Variants in FBXL17 observed in about 807,000 individuals in gnomAD.
The protein encoded by FBXL17 is F-box/LRR-repeat protein 17.
FBXL17 carries 22 observed loss-of-function variants against 66.2 expected under a neutral mutation model. The ratio of observed to expected loss-of-function variants is 0.33; its 90% CI spans 0.24 to 0.47. The LOEUF is 0.47. FBXL17 is among the 20% of genes least tolerant of loss of function. The pLI, the probability that FBXL17 is intolerant of heterozygous loss-of-function variation, is 1.00. For missense variants in FBXL17, 878 were observed against 948.2 expected (o/e 0.93, Z 0.97); for synonymous variants, 474 against 400.5 (o/e 1.18, Z -2.19).
chr5:108,181,810 T>C (rs564774028), intron 6 of FBXL17, among the ~76,000 whole-genome samples: 4 of 152,160 alleles, frequency 2.6e-5, no homozygotes, highest in Non-Finnish European at 4.4e-5. Context: ...ATTTTATATA[T>C]AAATGTCAAT....
chr5:108,381,551 C>T lies in FBXL17; in HGVS notation c.141G>A (p.Ala47=), dbSNP rs963953414. The T allele has an allele frequency of 1.7e-4, 247 of 1,428,310 alleles. No homozygotes were observed. In the African/African-American group the frequency reaches 3.3e-3, roughly 19 times the overall value. The allele number at this position is 1,428,310 out of a possible 1,614,324, so 88.5% of individuals were successfully genotyped here. A position where few individuals can be genotyped will look rare whatever the true frequency, so the allele number is the denominator to read the frequency against. The part of the protein sequence containing the change: ...TPAKVPPQPA[A]PRSRDCFFRG... The stretch of plus-strand genomic sequence containing the variant: ...GGAAGAAGCAGTCCCGGCTCCGGGG[C>T]GCCGCCGGCTGAGGGGGCACCTTGG... The change falls in exon 1 of 9, where the codon GCG becomes GCA. Residue 47 remains alanine (A), a synonymous_variant. Transcript: ENST00000542267.
Position 108,198,126 on chromosome 5 carries a change from G to A in FBXL17, c.1615-11879C>T, listed in dbSNP as rs1041551678. ...TGTGGAGAAACACCATGAGGCCCCC[G>A]TCAACAGGTCCCTATGGCTTCTCTC... On this transcript the variant is annotated intron_variant, in intron 5 of 8. Transcript: ENST00000542267. Among the ~76,000 whole-genome samples, 25 of 152,204 alleles carry A rather than the reference G, an allele frequency of 1.6e-4. No homozygotes were observed. The South Asian group carries it at 2.9e-3, about 18-fold the overall frequency.
At chr5:108,276,111 G>A (rs952413946) in intron 4 of FBXL17, among the ~76,000 whole-genome samples, 13 of 152,128 alleles carry the variant, frequency 8.5e-5, no homozygotes, top group South Asian at 2.1e-4. Flanking sequence ...CTCCAAGTAC[G>A]AAACAAAATG....
intron 1 of FBXL17, among the ~76,000 whole-genome samples, chr5:108,376,484 T>C (rs186095369): frequency 4.2e-4 from 64 of 152,330 alleles, no homozygotes; most frequent in Non-Finnish European, 7.9e-4. Flanking sequence ...CCATTTATAA[T>C]AGCATCAAAA....
At chr5:107,940,011 T>G (rs978011219) in intron 7 of FBXL17, among the ~76,000 whole-genome samples, 1 of 152,136 alleles carries the variant, frequency 6.6e-6, no homozygotes. Context: ...CTTAATGTGT[T>G]AAACAGTATA....
At chr5:108,207,188 A>ATACC (rs1321584090) in intron 5 of FBXL17, among the ~76,000 whole-genome samples, 1 of 152,176 alleles carries the variant, frequency 6.6e-6, no homozygotes, top group Non-Finnish European at 1.5e-5. Flanking sequence ...TGGGTAACTG[A>ATACC]TACCACCCAT....
chr5:108,112,861 C>T (rs1024775497), intron 6 of FBXL17, among the ~76,000 whole-genome samples: 2 of 117,672 alleles, frequency 1.7e-5, no homozygotes, highest in African/African-American at 2.6e-5. Context: ...ACTTTACTTC[C>T]TCTGGTATCT....
At chr5:108,125,631 T>C (rs953093968) in intron 6 of FBXL17, among the ~76,000 whole-genome samples, 3 of 151,988 alleles carry the variant, frequency 2.0e-5, no homozygotes, top group African/African-American at 7.2e-5. Flanking sequence ...CTTTGAAAAA[T>C]GGCAGATAGT....
intron 6 of FBXL17, among the ~76,000 whole-genome samples, chr5:108,154,644 C>G (rs868176839): frequency 7.4e-6 from 1 of 134,958 alleles, no homozygotes; most frequent in African/African-American, 2.9e-5. Context: ...CACACACACA[C>G]ACACATATAT....
intron 6 of FBXL17, among the ~76,000 whole-genome samples, chr5:108,090,083 C>T (rs1749132508): frequency 1.3e-5 from 2 of 152,116 alleles, no homozygotes; most frequent in South Asian, 4.1e-4. Context: ...CCCGCCTTGG[C>T]CTCCCAAAGT....
chr5:108,250,019 C>A (rs1756274452), intron 4 of FBXL17, among the ~76,000 whole-genome samples: 1 of 152,056 alleles, frequency 6.6e-6, no homozygotes, highest in East Asian at 1.9e-4. Context: ...TTTTTAAGAA[C>A]TGTTTCATAT....
chr5:107,861,895 GACC>G (rs1748133916), intron 8 of FBXL17, 35 bp from the exon 9 acceptor site: 1 of 1,459,830 alleles, frequency 6.9e-7, no homozygotes, highest in Non-Finnish European at 9.1e-7. Flanking sequence ...CACGCACAGA[GACC>G]ACCAACACCA....
intron 4 of FBXL17, among the ~76,000 whole-genome samples, chr5:108,307,353 G>A (rs537690733): frequency 6.6e-6 from 1 of 152,096 alleles, no homozygotes; most frequent in East Asian, 1.9e-4. Context: ...CACCCAGGCT[G>A]GAGTGCAGTG....
At chr5:108,330,878 C>T (rs1325767169) in intron 4 of FBXL17, among the ~76,000 whole-genome samples, 1 of 151,914 alleles carries the variant, frequency 6.6e-6, no homozygotes, top group African/African-American at 2.4e-5. Context: ...GATGAAACCT[C>T]GTCTCTACTA....
At chr5:108,171,338 T>C (rs1752598229) in intron 6 of FBXL17, among the ~76,000 whole-genome samples, 3 of 152,184 alleles carry the variant, frequency 2.0e-5, no homozygotes, top group South Asian at 4.1e-4. Context: ...GTTTAACAGC[T>C]AGGATATTGT....
intron 6 of FBXL17, among the ~76,000 whole-genome samples, chr5:108,051,813 A>G (rs1471429639): frequency 6.6e-6 from 1 of 152,040 alleles, no homozygotes; most frequent in Non-Finnish European, 1.5e-5. Flanking sequence ...CATCTCCACT[A>G]AAAATACAAA....
At chr5:107,897,096 T>A (rs1335904373) in intron 7 of FBXL17, among the ~76,000 whole-genome samples, 1 of 151,988 alleles carries the variant, frequency 6.6e-6, no homozygotes, top group East Asian at 1.9e-4. Context: ...CCTAAAAAAA[T>A]ACTAAGATAA....
At chr5:107,992,015 G>A (rs995779830) in intron 7 of FBXL17, among the ~76,000 whole-genome samples, 2 of 151,998 alleles carry the variant, frequency 1.3e-5, no homozygotes, top group African/African-American at 4.8e-5. Context: ...GGGACCAACG[G>A]ATTATGACTT....
chr5:107,898,593 G>A (rs1749462921), intron 7 of FBXL17, among the ~76,000 whole-genome samples: 2 of 152,016 alleles, frequency 1.3e-5, no homozygotes, highest in Admixed American at 6.6e-5. Context: ...TCTACATTAG[G>A]TATTTCTCCT....
Sources: gnomAD v4.1 joint callset for allele counts (sites outside exome capture counted in the v4.1 genomes callset) on GRCh38, gnomAD v4.1.1 for gene constraint, MANE v1.5 for transcripts, NCBI Gene and HGNC (gene_info 2026-07-23, HGNC 2026-07-21) for gene names.